The following ACSL1 variants were observed in gnomAD, a reference collection of about 807,000 sequenced individuals.
ACSL1 encodes the protein acyl-CoA synthetase long chain family member 1.
A neutral mutation model predicts 98.4 loss-of-function variants in ACSL1; 41 were observed. The observed-to-expected ratio is 0.42, with a 90% CI of 0.32 to 0.54. The LOEUF (loss-of-function observed/expected upper bound fraction) is 0.54. Among genes scored for constraint, ACSL1 ranks in the 20% least tolerant of loss-of-function variants. The probability of loss-of-function intolerance (pLI) is 0.13; values close to 1 mark genes in which losing one functional copy is unlikely to be tolerated. For synonymous variants in ACSL1, 316 were observed against 322.7 expected, an observed-to-expected ratio of 0.98 and a Z score of 0.22; for missense variants, 734 against 883.1, an observed-to-expected ratio of 0.83 and a Z score of 2.14.
intron 1 of ACSL1, among the ~76,000 whole-genome samples, chr4:184,819,693 G>C (rs774401904): frequency 1.3e-5 from 2 of 152,070 alleles, no homozygotes; most frequent in African/African-American, 2.4e-5. Context: ...TAGCAGGTAG[G>C]AAGCAAGCTG....
intron 17 of ACSL1, among the ~76,000 whole-genome samples, chr4:184,762,125 C>T (rs1762943689): frequency 6.7e-6 from 1 of 148,998 alleles, no homozygotes; most frequent in Non-Finnish European, 1.5e-5. Flanking sequence ...GAACATGATT[C>T]CGTCTCAAAA....
intron 5 of ACSL1, 32 bp downstream of exon 5, chr4:184,780,300 A>C (rs1364699986): frequency 1.9e-6 from 3 of 1,562,550 alleles, no homozygotes; most frequent in Non-Finnish European, 1.8e-6. Context: ...AATTCTCAAA[A>C]TCATGCATAG....
intron 1 of ACSL1, among the ~76,000 whole-genome samples, chr4:184,815,295 G>A (rs567949294): frequency 5.3e-5 from 8 of 152,310 alleles, no homozygotes; most frequent in African/African-American, 1.9e-4. Context: ...AGGCCCTGAA[G>A]GAGCGGCAGG....
chr4:184,785,504 C>A (rs1214633984), intron 3 of ACSL1, among the ~76,000 whole-genome samples: 1 of 150,740 alleles, frequency 6.6e-6, no homozygotes, highest in African/African-American at 2.4e-5. Context: ...AAACTTCTGA[C>A]CCCTTATCCA....
intron 10 of ACSL1, among the ~76,000 whole-genome samples, chr4:184,770,922 A>T (rs1272724585): frequency 2.0e-5 from 3 of 152,134 alleles, no homozygotes; most frequent in African/African-American, 7.2e-5. Flanking sequence ...TCAGGAGTTC[A>T]AGACCAGCCT....
At chr4:184,802,472 A>T (rs929546489) in intron 2 of ACSL1, among the ~76,000 whole-genome samples, 1 of 152,080 alleles carries the variant, frequency 6.6e-6, no homozygotes, top group Non-Finnish European at 1.5e-5. Context: ...GAAACACTGA[A>T]GGGTGACTGA....
chr4:184,770,449 T>G lies in ACSL1; in HGVS notation c.943A>C (p.Thr315Pro). 6.2e-7 allele frequency: 1 copy of G among 1,612,876 alleles called. No individual in the cohort carries two copies. Among genetic ancestry groups the G allele is most frequent in the Non-Finnish European group, 8.5e-7 (1 of 1,179,868 alleles). Residue 315 changes from threonine (T) to proline (P), a missense_variant, in exon 11 of 21, where the codon ACT (threonine) becomes CCT (proline). By Grantham distance (38) the Thr-to-Pro change is conservative. Coordinates refer to ENST00000281455, the MANE Select transcript of ACSL1 (RefSeq NM_001995.5). ...GCGAGAGGCAAGAAAGATATCAAAG[T>G]ATCATCTGGGCAAGGATTGACTGTA... Reference protein sequence around the residue: ...ENTVNPCPDDTLISFLPLAHM... With the variant: ...ENTVNPCPDDPLISFLPLAHM...
At chr4:184,778,922 A>G (rs922204801) in intron 5 of ACSL1, among the ~76,000 whole-genome samples, 4 of 150,958 alleles carry the variant, frequency 2.6e-5, no homozygotes, top group African/African-American at 9.7e-5. Context: ...ACAAAACTCT[A>G]AGAAGCCATC....
chr4:184,803,570 G>A lies in ACSL1; in HGVS notation c.-32-24C>T, dbSNP rs957754526. The A allele has an allele frequency of 3.8e-5, 53 of 1,393,364 alleles. No homozygotes were observed. In the African/African-American group the frequency reaches 5.6e-4, roughly 15 times the overall value. The allele number at this position is 1,393,364 out of a possible 1,614,324, so 86.3% of individuals were successfully genotyped here. On this transcript the variant is annotated intron_variant, in intron 1 of 20. Coordinates refer to ENST00000281455, the MANE Select transcript of ACSL1 (RefSeq NM_001995.5). The surrounding 1 kb of genome is among the most constrained non-coding windows in gnomAD (Gnocchi z 4.8). ...TTCTGTTGGGAGAGAAAAATGTCAC[G>A]TTCGTTCCAGGGAAGCAGGACCCCT... is the stretch of plus-strand genomic sequence containing the variant.
chr4:184,811,406 C>CAGT (rs1772103520), intron 1 of ACSL1, among the ~76,000 whole-genome samples: 1 of 152,102 alleles, frequency 6.6e-6, no homozygotes, highest in Admixed American at 6.6e-5. Flanking sequence ...GCCACCGCGC[C>CAGT]CAGCTGCACA....
chr4:184,824,308 G>A (rs1773291864), intron 1 of ACSL1, among the ~76,000 whole-genome samples: 1 of 152,020 alleles, frequency 6.6e-6, no homozygotes, highest in African/African-American at 2.4e-5. Flanking sequence ...TGTATTTTTA[G>A]TAGAGATAGG....
chr4:184,791,732 G>T (rs188741929), intron 2 of ACSL1, among the ~76,000 whole-genome samples: 1 of 152,178 alleles, frequency 6.6e-6, no homozygotes, highest in Non-Finnish European at 1.5e-5. Flanking sequence ...CCTGGATAGG[G>T]CAGTGGGAGT....
In ACSL1 at chr4:184,766,185, T is replaced by G. The variant is rs780923060; in HGVS notation, c.1264-199A>C. 6.6e-5 allele frequency among the ~76,000 whole-genome samples: 10 copies of G among 152,258 alleles called. No individual in the cohort carries two copies. Among genetic ancestry groups the G allele is most frequent in the Admixed American group, 1.3e-4 (2 of 15,302 alleles). On this transcript the variant is annotated intron_variant, in intron 13 of 20. Coordinates refer to ENST00000281455, the MANE Select transcript of ACSL1 (RefSeq NM_001995.5). The surrounding 1 kb of genome is among the most constrained non-coding windows in gnomAD (Gnocchi z 4.8). ...TTCCACCCGTGACTGCCCTGTTCCC[T>G]CCCAATGGGGATGGAAGTCAGCCCC...
chr4:184,757,337 G>C lies in ACSL1; in HGVS notation c.1957-72C>G. 6.6e-7 allele frequency: 1 copy of C among 1,526,052 alleles called. No individual in the cohort carries two copies. Among genetic ancestry groups the C allele is most frequent in the Non-Finnish European group, 8.8e-7 (1 of 1,130,162 alleles). 94.5% of individuals were successfully genotyped at this position (1,526,052 alleles called of 1,614,324 possible). On this transcript the variant is annotated intron_variant, in intron 20 of 20. Coordinates refer to ENST00000281455, the MANE Select transcript of ACSL1 (RefSeq NM_001995.5). The surrounding 1 kb of genome is among the most constrained non-coding windows in gnomAD (Gnocchi z 4.5). ...CCAGTCTCAAAAGCACGTAAGCCTT[G>C]GAGGGGATCAACACTCTCCAGCCAT... is the stretch of plus-strand genomic sequence containing the variant.
chr4:184,822,588 A>C (rs1046424031), intron 1 of ACSL1, among the ~76,000 whole-genome samples: 1 of 152,044 alleles, frequency 6.6e-6, no homozygotes, highest in Non-Finnish European at 1.5e-5. Flanking sequence ...AAAATACAAA[A>C]ATTAGCTGGG....
chr4:184,781,382 ATAT>A (rs1398035615), intron 4 of ACSL1, among the ~76,000 whole-genome samples: 1 of 152,110 alleles, frequency 6.6e-6, no homozygotes, highest in African/African-American at 2.4e-5. Flanking sequence ...TACATAGTAA[ATAT>A]TATAATTATG....
chr4:184,790,118 G>A (rs1041049250), intron 2 of ACSL1, among the ~76,000 whole-genome samples: 1 of 152,180 alleles, frequency 6.6e-6, no homozygotes, highest in Non-Finnish European at 1.5e-5. Context: ...GGGCCGCGCT[G>A]AGGAGGAAGT....
intron 18 of ACSL1, among the ~76,000 whole-genome samples, chr4:184,760,132 G>A (rs1356547844): frequency 6.6e-6 from 1 of 152,072 alleles, no homozygotes; most frequent in Non-Finnish European, 1.5e-5. Flanking sequence ...TGGTACATCA[G>A]ACCTCTCTAA....
At chr4:184,789,228 G>C (rs1767932138) in intron 2 of ACSL1, among the ~76,000 whole-genome samples, 5 of 152,176 alleles carry the variant, frequency 3.3e-5, no homozygotes, top group Admixed American at 3.3e-4. Flanking sequence ...TGCCTGAAGA[G>C]AGAAAACAGG....
Sources: gnomAD v4.1 joint callset for allele counts (sites outside exome capture counted in the v4.1 genomes callset) on GRCh38, gnomAD v4.1.1 for gene constraint, Gnocchi (gnomAD v3.1) non-coding constraint, MANE v1.5 for transcripts, NCBI Gene and HGNC (gene_info 2026-07-23, HGNC 2026-07-21) for gene names.